IGSF9: variants seen among roughly 807,000 people sequenced by gnomAD.
IGSF9 encodes the protein immunoglobulin superfamily member 9.
IGSF9 carries 87 observed loss-of-function variants against 121.7 expected under a neutral mutation model. The observed-to-expected ratio is 0.71, with a 90% CI of 0.60 to 0.85. The LOEUF is 0.85. Among genes scored for constraint, IGSF9 ranks in the 40% least tolerant of loss-of-function variants. IGSF9 has a pLI of 0.00. For missense variants in IGSF9, 1,462 were observed against 1,565.3 expected, an observed-to-expected ratio of 0.93 and a Z score of 1.11; for synonymous variants, 640 against 648.4, an observed-to-expected ratio of 0.99 and a Z score of 0.20.
chr1:159,929,019 C>G lies in IGSF9; in HGVS notation c.2370-1G>C, dbSNP rs1188376639. ...AGGACTGCCTGAGCCCAGAGCAGAG[C>G]TGGGGAAGGACAGGAGATCAGGGTC... On this transcript the variant is annotated splice_acceptor_variant, in intron 18 of 20. Transcript: ENST00000368094. LOFTEE classifies it high-confidence loss of function. The G allele has an allele frequency of 2.0e-6, 3 of 1,515,404 alleles. No homozygotes were observed. Among genetic ancestry groups the G allele is most frequent in the Non-Finnish European group, 2.6e-6 (3 of 1,133,762 alleles). The allele number at this position is 1,515,404 out of a possible 1,614,324, so 93.9% of individuals were successfully genotyped here.
rs758650882 is a variant in IGSF9 at position 159,943,571 on chromosome 1, A to G, written c.-117T>C. ...GGTTTCAGCTCTCACTCTTCTGTACAGTGAGGGCTTGGCTCATGTAACACC... is the reference window on the plus strand; with the variant it reads ...GGTTTCAGCTCTCACTCTTCTGTACGGTGAGGGCTTGGCTCATGTAACACC... On this transcript the variant is annotated 5_prime_UTR_variant, in exon 2 of 21. Transcript: ENST00000368094. 1 of 958,700 alleles carries G rather than the reference A, an allele frequency of 1.0e-6. No individual in the cohort carries two copies. The highest frequency in any genetic ancestry group is 1.5e-6 in the Non-Finnish European group (1 of 681,068). 59.4% of individuals were successfully genotyped at this position (958,700 alleles called of 1,614,324 possible).
chr1:159,944,171 C>T (rs1039951471), intron 1 of IGSF9, among the ~76,000 whole-genome samples: 4 of 152,064 alleles, frequency 2.6e-5, no homozygotes, highest in Non-Finnish European at 4.4e-5. Flanking sequence ...AAATCCAGGG[C>T]GCTTAAGCCT....
intron 15 of IGSF9, 78 bp downstream of exon 15, chr1:159,930,111 A>G: frequency 6.4e-7 from 1 of 1,551,656 alleles, no homozygotes; most frequent in South Asian, 1.2e-5. Flanking sequence ...TCAAGATGAG[A>G]AGATAGAGTT....
At position 159,929,374 on chromosome 1, in the gene IGSF9, A is replaced by T; in HGVS notation, c.2346T>A (p.Ser782=). 6.2e-7 allele frequency: 1 copy of T among 1,614,174 alleles called. No individual in the cohort carries two copies. ...RLRQDPPLIF[S]PTGKSAAPSA... ...ACGGTGCAGCTGACTTCCCGGTCGG[A>T]GAGAAGATAAGAGGTGGATCTGGAA... The change falls in exon 18 of 21, where the codon TCT becomes TCA. Residue 782 remains serine (S), a synonymous_variant. Transcript: ENST00000368094.
In IGSF9 at chr1:159,937,753, G is replaced by A. The variant is rs1276223928; in HGVS notation, c.333C>T (p.Phe111=). 15 of 1,613,966 alleles carry A rather than the reference G, an allele frequency of 9.3e-6. No individual in the cohort carries two copies. The highest frequency in any genetic ancestry group is 2.2e-5 in the East Asian group (1 of 44,872). Residue 111 remains phenylalanine (F), a synonymous_variant, in exon 4 of 21, where the codon TTC becomes TTT. Transcript: ENST00000368094. The part of the protein sequence containing the change: ...EDQGWYECRV[F]FLDQHIPEDD... ...CTTCAGGGATGTGCTGGTCCAGGAA[G>A]AACACGCGGCACTCGTACCAGCCCT...
chr1:159,928,100 G>T (rs1173491749), intron 19 of IGSF9, 58 bp downstream of exon 19: 3 of 1,572,674 alleles, frequency 1.9e-6, no homozygotes, highest in African/African-American at 1.3e-5. Flanking sequence ...TGGGAGAGGG[G>T]TGAGAGGTCT....
In IGSF9 at chr1:159,943,440, G is replaced by T. The variant is rs112824619; in HGVS notation, c.15C>A (p.Leu5=). MVWC[L]GLAVLSLVIS... ...TGACCAGGCTGAGGACGGCCAGGCC[G>T]AGGCACCACACCATAGCCCAGCTGG... Residue 5 remains leucine (L), a synonymous_variant, in exon 2 of 21, where the codon CTC becomes CTA. Coordinates refer to ENST00000368094, the MANE Select transcript of IGSF9 (RefSeq NM_001135050.2). 23 of 1,586,578 alleles carry T rather than the reference G, an allele frequency of 1.4e-5. No homozygotes were observed. Among genetic ancestry groups the T allele is most frequent in the Non-Finnish European group, 1.7e-5 (20 of 1,166,018 alleles).
chr1:159,933,877 A>G (rs1049691985), intron 9 of IGSF9: 2 of 395,806 alleles, frequency 5.1e-6, no homozygotes, highest in African/African-American at 4.2e-5. Context: ...TTCCCCCGGG[A>G]CACACAATTT....
intron 1 of IGSF9, among the ~76,000 whole-genome samples, chr1:159,944,141 G>A (rs1423787938): frequency 6.6e-6 from 1 of 152,148 alleles, no homozygotes; most frequent in Non-Finnish European, 1.5e-5. Flanking sequence ...CTGCTCAGGG[G>A]CAGAGAGCCA....
intron 3 of IGSF9, 145 bp from the exon 4 acceptor site, chr1:159,937,983 AG>A: frequency 1.2e-6 from 1 of 868,330 alleles, no homozygotes; most frequent in South Asian, 1.7e-5. Flanking sequence ...GACGCAGATG[AG>A]GTTGGGGTCA....
chr1:159,928,597 A>G lies in IGSF9; in HGVS notation c.2791T>C (p.Phe931Leu), dbSNP rs780952401. 1 of 1,507,856 alleles carries G rather than the reference A, an allele frequency of 6.6e-7. No homozygotes were observed. The highest frequency in any genetic ancestry group is 8.9e-7 in the Non-Finnish European group (1 of 1,126,690). The allele number at this position is 1,507,856 out of a possible 1,614,324, so 93.4% of individuals were successfully genotyped here. The part of the protein sequence containing the change: ...GPLLQYLSLP[F>L]FREMNVDGDW... Reference sequence around the variant, plus strand: ...CCATCCACATTCATCTCTCGGAAGAAGGGCAGGCTCAGGTACTGGAGCAGG... The same window carrying G: ...CCATCCACATTCATCTCTCGGAAGAGGGGCAGGCTCAGGTACTGGAGCAGG... The change falls in exon 19 of 21, where the codon TTC becomes CTC. Residue 931 changes from phenylalanine (F) to leucine (L), a missense_variant. Phe to Leu is a conservative substitution (Grantham distance 22). Around this residue, in one of 3 missense-constraint regions of IGSF9, gnomAD observed 808 missense variants for 815.2 expected, o/e 0.99. Transcript: ENST00000368094.
At chr1:159,942,743 A>AGTGTGT (rs59358917) in intron 3 of IGSF9, among the ~76,000 whole-genome samples, 4 of 150,406 alleles carry the variant, frequency 2.7e-5, no homozygotes, top group East Asian at 2.0e-4. Context: ...TAAGAGTGTG[A>AGTGTGT]GTGTGTGTGT....
rs1291601159 is a variant in IGSF9 at position 159,931,459 on chromosome 1, C to G, written c.1507G>C (p.Val503Leu). The part of the protein sequence containing the change: ...ARVATSTNVY[V>L]LGTSPHVVTN... ...CCTCTCTCCAGCCACTAACCCAGCA[C>G]GTAGACGTTCGTGGAGGTGGCCACT... The change falls in exon 12 of 21, where the codon GTG (valine) becomes CTG (leucine). Residue 503 changes from valine to leucine, a missense_variant. By Grantham distance (32) the Val-to-Leu change is conservative (BLOSUM62 1). This residue lies in a region of IGSF9 where 96 missense variants were observed against 150.7 expected (regional missense o/e 0.64). Transcript: ENST00000368094. The surrounding 1 kb of genome is among the most constrained non-coding windows in gnomAD (Gnocchi z 4.8). 1.9e-6 allele frequency: 3 copies of G among 1,613,628 alleles called. No homozygotes were observed. Among genetic ancestry groups the G allele is most frequent in the South Asian group, 1.1e-5 (1 of 91,064 alleles).
chr1:159,943,206 G>T, intron 2 of IGSF9, 55 bp from the exon 3 acceptor site: 1 of 1,463,598 alleles, frequency 6.8e-7, no homozygotes, highest in Non-Finnish European at 9.2e-7. Flanking sequence ...GTGCTGGGAG[G>T]GGGAGTGCCA....
rs781622091 is a variant in IGSF9, at chr1:159,931,950, G to A, written c.1246-22C>T. 5 of 1,482,036 alleles carry A rather than the reference G, an allele frequency of 3.4e-6. No homozygotes were observed. Among genetic ancestry groups the A allele is most frequent in the South Asian group, 1.2e-5 (1 of 83,978 alleles). The allele number at this position is 1,482,036 out of a possible 1,614,324, so 91.8% of individuals were successfully genotyped here. A position where few individuals can be genotyped will look rare whatever the true frequency, so the allele number is the denominator to read the frequency against. ...GAGCCTGCAAGCCAGATCTGGCATT[G>A]GGAGGGGCCCTCTCTTACATCTAAG... On this transcript the variant is annotated intron_variant, in intron 10 of 20. Transcript: ENST00000368094. The surrounding 1 kb of genome is among the most constrained non-coding windows in gnomAD (Gnocchi z 4.8).
At chr1:159,937,946 A>G (rs1485158398) in intron 3 of IGSF9, 108 bp from the exon 4 acceptor site, 1 of 1,186,184 alleles carries the variant, frequency 8.4e-7, no homozygotes, top group Non-Finnish European at 1.2e-6. Flanking sequence ...AGTCTCTCCC[A>G]GTTACTCTGA....
Position 159,937,688 on chromosome 1 carries a change from TTGAC to T in IGSF9, c.394_397del (p.Val132IlefsTer22). ...CCACCTGCCCCCCAGCTTCATACAA[TTGAC>T]TGTCAGATGCACCCAGGAGCCGTTA... On this transcript the variant is annotated frameshift_variant, in exon 4 of 21. Transcript: ENST00000368094. LOFTEE classifies it high-confidence loss of function. 6.2e-7 allele frequency: 1 copy of T among 1,613,194 alleles called. No individual in the cohort carries two copies. The highest frequency in any genetic ancestry group is 1.3e-5 in the African/African-American group (1 of 74,978).
rs534654530 is a variant in IGSF9, at chr1:159,928,744, G to A, written c.2644C>T (p.Arg882Trp). Residue 882 changes from arginine to tryptophan, a missense_variant, in exon 19 of 21, where the codon CGG becomes TGG. Arg to Trp is a moderately radical substitution (Grantham distance 101, BLOSUM62 -3). Around this residue, in one of 3 missense-constraint regions of IGSF9, gnomAD observed 808 missense variants for 815.2 expected, o/e 0.99. Transcript: ENST00000368094. Reference protein sequence around the residue: ...EPRTPAQRLARSFDCSSSSPS... With the variant: ...EPRTPAQRLAWSFDCSSSSPS... Reference sequence around the variant, plus strand: ...CTGCTGCTGCTACAGTCAAAGGACCGGGCCAGACGCTGGGCTGGAGTCCGA... The same window carrying A: ...CTGCTGCTGCTACAGTCAAAGGACCAGGCCAGACGCTGGGCTGGAGTCCGA... The A allele has an allele frequency of 8.8e-6, 13 of 1,477,994 alleles. No homozygotes were observed. The East Asian group carries it at 9.9e-5, about 11-fold the overall frequency. The allele number at this position is 1,477,994 out of a possible 1,614,324, so 91.6% of individuals were successfully genotyped here.
chr1:159,936,496 C>A lies in IGSF9; in HGVS notation c.576G>T (p.Arg192=). Reference sequence around the variant, plus strand: ...AGCTGCCTCGCTCTACCCGGCGGATCCGCAGCGTCCCGTTCTGCACCTAGG... The same window carrying A: ...AGCTGCCTCGCTCTACCCGGCGGATACGCAGCGTCCCGTTCTGCACCTAGG... ...GQVQVQNGTL[R]IRRVERGSSG... Residue 192 remains arginine, a synonymous_variant, in exon 6 of 21, where the codon CGG becomes CGT. Transcript: ENST00000368094. 1 of 1,614,004 alleles carries A rather than the reference C, an allele frequency of 6.2e-7. No homozygotes were observed. The highest frequency in any genetic ancestry group is 8.5e-7 in the Non-Finnish European group (1 of 1,179,994).
Sources: gnomAD v4.1 joint callset for allele counts (sites outside exome capture counted in the v4.1 genomes callset) on GRCh38, gnomAD v4.1.1 for gene constraint, gnomAD v4.1.1 regional missense constraint, Gnocchi (gnomAD v3.1) non-coding constraint, MANE v1.5 for transcripts, NCBI Gene and HGNC (gene_info 2026-07-23, HGNC 2026-07-21) for gene names.